Variants in C8orf34 observed in about 807,000 individuals in gnomAD.
C8orf34 encodes the protein chromosome 8 open reading frame 34.
A neutral mutation model predicts 68.3 loss-of-function variants in C8orf34; 65 were observed. That is an observed-to-expected ratio of 0.95 (90% CI 0.78 to 1.17). The LOEUF is 1.17. Among genes scored for constraint, C8orf34 ranks in the 50% most tolerant of loss-of-function variants. C8orf34 has a pLI of 0.00. For synonymous variants in C8orf34, 244 were observed against 241.2 expected (o/e 1.01, Z -0.11); for missense variants, 664 against 655.4 (o/e 1.01, Z -0.14).
chr8:68,572,463 AATT>A (rs1816786321), intron 7 of C8orf34, among the ~76,000 whole-genome samples: 1 of 151,638 alleles, frequency 6.6e-6, no homozygotes, highest in Non-Finnish European at 1.5e-5. Flanking sequence ...GTTTTATTGT[AATT>A]ATTATTTCCA....
chr8:68,797,117 G>A (rs1353912661), intron 12 of C8orf34, among the ~76,000 whole-genome samples: 2 of 152,142 alleles, frequency 1.3e-5, no homozygotes, highest in Non-Finnish European at 2.9e-5. Context: ...GTGAGCCACC[G>A]CACCCAGCCT....
rs1220581295 is a variant in C8orf34 at position 68,342,192 on chromosome 8, ATAT to A, written c.327+10855_327+10857del. Among the ~76,000 whole-genome samples the A allele has an allele frequency of 2.0e-5, 3 of 152,214 alleles. No individual in the cohort carries two copies. In the East Asian group the frequency reaches 5.8e-4, roughly 29 times the overall value. On this transcript the variant is annotated intron_variant, in intron 1 of 13. Transcript: ENST00000518698. ...TATCACATTGTACATCATAAACATA[ATAT>A]TTGTCAATAAAAGTTATAGATGTAA...
At chr8:68,790,890 C>A (rs1249704935) in intron 12 of C8orf34, 1 of 700,186 alleles carries the variant, frequency 1.4e-6, no homozygotes. Flanking sequence ...TTTGCTTATT[C>A]TAAAAGTTGA....
At chr8:68,483,425 TG>T (rs1392787086) in intron 4 of C8orf34, among the ~76,000 whole-genome samples, 2 of 152,098 alleles carry the variant, frequency 1.3e-5, no homozygotes, top group Non-Finnish European at 2.9e-5. Flanking sequence ...CAAGACAAGG[TG>T]ACTCCCTGCA....
rs1290873859 is a variant in C8orf34, at chr8:68,760,445, T to A, written c.1405-15954T>A. On this transcript the variant is annotated intron_variant, in intron 10 of 13. Coordinates refer to ENST00000518698, the MANE Select transcript of C8orf34 (RefSeq NM_052958.4). The stretch of plus-strand genomic sequence containing the variant: ...AAAAAAGGATTCAGACCCAATCTCA[T>A]GTCCAAATCCAATTTGGAGCTTGAT... Among the ~76,000 whole-genome samples, 3 of 152,214 alleles carry A rather than the reference T, an allele frequency of 2.0e-5. No individual in the cohort carries two copies. The East Asian group carries it at 5.8e-4, about 29-fold the overall frequency.
intron 7 of C8orf34, among the ~76,000 whole-genome samples, chr8:68,605,815 G>A (rs1326157160): frequency 6.6e-6 from 1 of 152,064 alleles, no homozygotes; most frequent in Non-Finnish European, 1.5e-5. Context: ...TTATACATTT[G>A]TCCAAATTCT....
At chr8:68,688,640 A>G (rs1412925626) in intron 8 of C8orf34, among the ~76,000 whole-genome samples, 3 of 152,186 alleles carry the variant, frequency 2.0e-5, no homozygotes, top group African/African-American at 4.8e-5. Context: ...TACACCATGG[A>G]ATACTATGCA....
At chr8:68,461,246 GA>G (rs1346413182) in intron 3 of C8orf34, among the ~76,000 whole-genome samples, 1 of 152,098 alleles carries the variant, frequency 6.6e-6, no homozygotes, top group African/African-American at 2.4e-5. Flanking sequence ...AGAGAAAAAC[GA>G]ATAAAAAGAA....
intron 8 of C8orf34, among the ~76,000 whole-genome samples, chr8:68,674,342 A>T (rs575690942): frequency 6.6e-6 from 1 of 152,318 alleles, no homozygotes; most frequent in Admixed American, 6.5e-5. Context: ...AGAGAGAGAG[A>T]TATGATCTTT....
chr8:68,356,983 C>CT (rs1259269382), intron 1 of C8orf34, among the ~76,000 whole-genome samples: 1 of 152,008 alleles, frequency 6.6e-6, no homozygotes, highest in Non-Finnish European at 1.5e-5. Flanking sequence ...AACAATATAT[C>CT]TATTCGTATG....
rs185728034 is a variant in C8orf34, at chr8:68,473,072, G to A, written c.736+4252G>A. 1.7e-3 allele frequency among the ~76,000 whole-genome samples: 263 copies of A among 152,172 alleles called. 1 individual carries two copies. Among genetic ancestry groups the A allele is most frequent in the African/African-American group, 6.0e-3 (250 of 41,482 alleles). On this transcript the variant is annotated intron_variant, in intron 4 of 13. Transcript: ENST00000518698. Reference sequence around the variant, plus strand: ...ATGTTTGAAAGAGTAGTTGTGAAGCGGCATCGTTGTCTGGGGTAAATACCC... The same window carrying A: ...ATGTTTGAAAGAGTAGTTGTGAAGCAGCATCGTTGTCTGGGGTAAATACCC...
chr8:68,414,423 T>C (rs985393262), intron 1 of C8orf34, among the ~76,000 whole-genome samples: 1 of 152,172 alleles, frequency 6.6e-6, no homozygotes, highest in Non-Finnish European at 1.5e-5. Flanking sequence ...TCATACGAAA[T>C]GAAACTGCAG....
chr8:68,420,186 T>A (rs1449541812), intron 1 of C8orf34, among the ~76,000 whole-genome samples: 1 of 150,870 alleles, frequency 6.6e-6, no homozygotes, highest in Non-Finnish European at 1.5e-5. Context: ...AGTGATGCTT[T>A]TTATAGCTTC....
intron 12 of C8orf34, among the ~76,000 whole-genome samples, chr8:68,811,082 G>A (rs1824636814): frequency 6.6e-6 from 1 of 152,210 alleles, no homozygotes; most frequent in African/African-American, 2.4e-5. Context: ...TGCCCAGGTT[G>A]TTTGTGCCAT....
intron 7 of C8orf34, among the ~76,000 whole-genome samples, chr8:68,624,362 A>T (rs755340963): frequency 2.5e-4 from 38 of 152,128 alleles, no homozygotes; most frequent in Non-Finnish European, 4.7e-4. Flanking sequence ...AACACAGAAG[A>T]CAAATAATAT....
chr8:68,577,234 C>CA (rs1816932299), intron 7 of C8orf34, among the ~76,000 whole-genome samples: 1 of 151,862 alleles, frequency 6.6e-6, no homozygotes, highest in African/African-American at 2.4e-5. Flanking sequence ...CACATTGAAC[C>CA]AAAACTAGCA....
Position 68,797,351 on chromosome 8 carries a change from G to T in C8orf34, c.1549+9815G>T, listed in dbSNP as rs187529251. Among the ~76,000 whole-genome samples, 274 of 152,238 alleles carry T rather than the reference G, an allele frequency of 1.8e-3. 1 individual carries two copies. The highest frequency in any genetic ancestry group is 5.5e-3 in the African/African-American group (228 of 41,550). On this transcript the variant is annotated intron_variant, in intron 12 of 13. Coordinates refer to ENST00000518698, the MANE Select transcript of C8orf34 (RefSeq NM_052958.4). Reference sequence around the variant, plus strand: ...TTAATTAGTGGCAGAGGCAGGACTAGAATGAAGGTCTCCTGATTGGGCTCA... The same window carrying T: ...TTAATTAGTGGCAGAGGCAGGACTATAATGAAGGTCTCCTGATTGGGCTCA...
At chr8:68,703,991 G>C (rs1821095016) in intron 8 of C8orf34, among the ~76,000 whole-genome samples, 1 of 152,034 alleles carries the variant, frequency 6.6e-6, no homozygotes, top group Non-Finnish European at 1.5e-5. Context: ...CCAATATAGG[G>C]CTGGGCCATA....
chr8:68,438,925 A>G (rs1438995156), intron 1 of C8orf34: 1 of 152,200 alleles, frequency 6.6e-6, no homozygotes, highest in Non-Finnish European at 1.5e-5. Flanking sequence ...GGAAGAAGGA[A>G]GGACACGTAA....
Sources: allele counts gnomAD v4.1 joint callset (sites outside exome capture counted in the v4.1 genomes callset), GRCh38; gene constraint gnomAD v4.1.1; transcripts MANE v1.5; gene names NCBI Gene and HGNC (gene_info 2026-07-23, HGNC 2026-07-21).